Variants in ATM observed in about 807,000 individuals in gnomAD.
ATM encodes serine-protein kinase ATM.
ATM carries 308 observed loss-of-function variants against 387.0 expected under a neutral mutation model. That is an observed-to-expected ratio of 0.80 (90% CI 0.73 to 0.87). The LOEUF (loss-of-function observed/expected upper bound fraction) is 0.87, where lower values mean the gene tolerates loss of function less well. Among genes scored for constraint, ATM ranks in the 40% least tolerant of loss-of-function variants. The pLI is 0.00. For missense variants in ATM, 3,312 were observed against 3,560.9 expected (o/e 0.93, Z 1.78); for synonymous variants, 1,156 against 1,187.3 (o/e 0.97, Z 0.54).
At position 108,368,855 on chromosome 11, in the gene ATM, A is replaced by C. The variant is rs2091462292; in HGVS notation, c.*3347A>C. ...TGCACTTAGGAATGCTAAAAATTTA[A>C]ATATGGTCTAAAGCAAATAAAAGCA... is the stretch of plus-strand genomic sequence containing the variant. On this transcript the variant is annotated 3_prime_UTR_variant, in exon 63 of 63. Coordinates refer to ENST00000675843, the MANE Select transcript of ATM (RefSeq NM_000051.4). 2 of 201,580 alleles carry C rather than the reference A, an allele frequency of 9.9e-6. No individual in the cohort carries two copies. The highest frequency in any genetic ancestry group is 1.0e-5 in the Non-Finnish European group (1 of 97,976). The allele number at this position is 201,580 out of a possible 1,614,324, so 12.5% of individuals were successfully genotyped here. A position where few individuals can be genotyped will look rare whatever the true frequency, so the allele number is the denominator to read the frequency against.
chr11:108,367,094 TCTC>T lies in ATM; in HGVS notation c.*1589_*1591del, dbSNP rs1448227502. 6 of 180,650 alleles carry T rather than the reference TCTC, an allele frequency of 3.3e-5. No homozygotes were observed. Among genetic ancestry groups the T allele is most frequent in the Non-Finnish European group, 3.5e-5 (3 of 84,618 alleles). 11.2% of individuals were successfully genotyped at this position (180,650 alleles called of 1,614,324 possible). A position where few individuals can be genotyped will look rare whatever the true frequency, so the allele number is the denominator to read the frequency against. On this transcript the variant is annotated 3_prime_UTR_variant, in exon 63 of 63. Transcript: ENST00000675843. ...CCTCTGCCTCCTGGGTTCAAGCAAT[TCTC>T]CTGCCTCAGCCTCCCGAGTAGCTGG...
chr11:108,285,411 A>T (rs893940010), intron 26 of ATM, among the ~76,000 whole-genome samples: 7 of 151,998 alleles, frequency 4.6e-5, no homozygotes, highest in African/African-American at 1.4e-4. Context: ...GGAAGGATTT[A>T]AAAAGCTTCG....
At chr11:108,234,989 T>C (rs962674602) in intron 4 of ATM, among the ~76,000 whole-genome samples, 1 of 152,158 alleles carries the variant, frequency 6.6e-6, no homozygotes, top group African/African-American at 2.4e-5. Context: ...CCAAAAAACT[T>C]GGGATCATTT....
chr11:108,242,668 A>C (rs1047342788), intron 5 of ATM, among the ~76,000 whole-genome samples: 4 of 152,064 alleles, frequency 2.6e-5, no homozygotes, highest in Non-Finnish European at 4.4e-5. Context: ...GCTTCCTCTA[A>C]AACAGGACAG....
intron 26 of ATM, among the ~76,000 whole-genome samples, chr11:108,286,070 G>A (rs1426576043): frequency 3.3e-5 from 5 of 152,006 alleles, no homozygotes; most frequent in Admixed American, 1.3e-4. Context: ...GGTGGCTAAC[G>A]CCTGTAATCC....
intron 27 of ATM, 36 bp downstream of exon 27, chr11:108,287,751 C>T (rs749241980): frequency 8.5e-5 from 120 of 1,419,662 alleles, no homozygotes; most frequent in Non-Finnish European, 1.2e-4. Flanking sequence ...CTAGCTCTAA[C>T]TTCACAAGTT....
intron 5 of ATM, among the ~76,000 whole-genome samples, chr11:108,238,059 TGG>T (rs2079381408): frequency 6.6e-6 from 1 of 151,994 alleles, no homozygotes; most frequent in South Asian, 2.1e-4. Context: ...CCTGAGTAGC[TGG>T]GATTACAGGC....
At chr11:108,308,086 AGT>A (rs2083835199) in intron 38 of ATM, 102 bp downstream of exon 38, 5 of 1,082,300 alleles carry the variant, frequency 4.6e-6, no homozygotes, top group Non-Finnish European at 6.9e-6. Flanking sequence ...GGTGTTGCAA[AGT>A]GTTATATTTA....
At chr11:108,317,650 T>TACACACACACACACACAC (rs1261995220) in intron 43 of ATM, 129 bp downstream of exon 43, 1 of 130,252 alleles carries the variant, frequency 7.7e-6, no homozygotes, top group African/African-American at 4.6e-5. Flanking sequence ...TATATATATA[T>TACACACACACACACACAC]ATACACACAC....
At position 108,273,331 on chromosome 11, in the gene ATM, C is replaced by CTTTTTTTTTTT. The variant is rs563140198; in HGVS notation, c.3284+496_3284+506dup. On this transcript the variant is annotated intron_variant, in intron 22 of 62. Coordinates refer to ENST00000675843, the MANE Select transcript of ATM (RefSeq NM_000051.4). ...GGAATAAACATATATTAATTTCATTCTTTTTTTTTTTTTTTTTTTTTTTTT... is the reference window on the plus strand; with the variant it reads ...GGAATAAACATATATTAATTTCATTCTTTTTTTTTTTTTTTTTTTTTTTTTTTTTTTTTTTT... 4.8e-4 allele frequency among the ~76,000 whole-genome samples: 39 copies of CTTTTTTTTTTT among 80,660 alleles called. 3 individuals carry two copies. Among genetic ancestry groups the CTTTTTTTTTTT allele is most frequent in the African/African-American group, 1.9e-3 (34 of 17,518 alleles). 52.9% of individuals were successfully genotyped at this position (80,660 alleles called of 152,430 possible).
At chr11:108,249,228 T>TGGG (rs2080011201) in intron 9 of ATM, 126 bp downstream of exon 9, 1 of 1,091,572 alleles carries the variant, frequency 9.2e-7, no homozygotes, top group Admixed American at 1.8e-5. Context: ...CCAAACCTAT[T>TGGG]ACTAGCAAAG....
chr11:108,317,613 TTTTATATATA>T (rs1565503929), intron 43 of ATM, 92 bp downstream of exon 43: 4 of 270,302 alleles, frequency 1.5e-5, no homozygotes, highest in African/African-American at 1.4e-4. Flanking sequence ...ACAGGAGTTG[TTTTATATATA>T]TATATATATA....
rs183570449 is a variant in ATM at position 108,250,084 on chromosome 11, C to A, written c.1236-617C>A. ...CTTTGTTTTCCTGTTTTAGAGGAATCGTTTGGTGACTAAAGAGCAAGGATG... is the reference window on the plus strand; with the variant it reads ...CTTTGTTTTCCTGTTTTAGAGGAATAGTTTGGTGACTAAAGAGCAAGGATG... On this transcript the variant is annotated intron_variant, in intron 9 of 62. Transcript: ENST00000675843. Among the ~76,000 whole-genome samples the A allele has an allele frequency of 9.9e-5, 15 of 151,354 alleles. No individual in the cohort carries two copies. The East Asian group carries it at 2.1e-3, about 22-fold the overall frequency.
intron 52 of ATM, among the ~76,000 whole-genome samples, chr11:108,332,443 A>C (rs1326640213): frequency 1.3e-5 from 2 of 152,120 alleles, no homozygotes; most frequent in South Asian, 2.1e-4. Flanking sequence ...AAATTAATTA[A>C]TTAATTAATT....
At chr11:108,323,449 C>A (rs569311694) in intron 45 of ATM, among the ~76,000 whole-genome samples, 1 of 152,164 alleles carries the variant, frequency 6.6e-6, no homozygotes, top group African/African-American at 2.4e-5. Context: ...AGTGAAAAAA[C>A]ACAGGTAAAT....
intron 27 of ATM, 127 bp downstream of exon 27, chr11:108,287,842 A>C: frequency 1.5e-6 from 1 of 674,254 alleles, no homozygotes; most frequent in Non-Finnish European, 2.5e-6. Context: ...TTTTCTTTAA[A>C]AATAGCCACC....
chr11:108,321,116 T>C (rs2136235165), intron 44 of ATM, among the ~76,000 whole-genome samples, 185 bp from the exon 45 acceptor site: 1 of 152,324 alleles, frequency 6.6e-6, no homozygotes, highest in Middle Eastern at 3.4e-3. Context: ...TGCATTTAAA[T>C]TTGTGTTGTT....
At chr11:108,260,165 G>T (rs2080777905) in intron 16 of ATM, among the ~76,000 whole-genome samples, 1 of 151,248 alleles carries the variant, frequency 6.6e-6, no homozygotes, top group South Asian at 2.1e-4. Context: ...CTCCCAAGAA[G>T]CTGGGATTAC....
At chr11:108,241,738 C>CTTTTTTTTTTTTTTTTTTT (rs1235260816) in intron 5 of ATM, among the ~76,000 whole-genome samples, 1 of 82,090 alleles carries the variant, frequency 1.2e-5, no homozygotes, top group Non-Finnish European at 2.5e-5. Context: ...GTCTTTCTTT[C>CTTTTTTTTTTTTTTTTTTT]TTTCTTTTTT....
Sources: allele counts gnomAD v4.1 joint callset (sites outside exome capture counted in the v4.1 genomes callset), GRCh38; gene constraint gnomAD v4.1.1; transcripts MANE v1.5; gene names NCBI Gene and HGNC (gene_info 2026-07-23, HGNC 2026-07-21).